The following DNAJC13 variants were observed in gnomAD, a reference collection of about 807,000 sequenced individuals.
DNAJC13 encodes dnaJ homolog subfamily C member 13.
DNAJC13 carries 75 observed loss-of-function variants against 290.5 expected under a neutral mutation model. The ratio of observed to expected loss-of-function variants is 0.26; its 90% CI spans 0.21 to 0.31. The LOEUF is 0.31. Among genes scored for constraint, DNAJC13 ranks in the 10% least tolerant of loss-of-function variants. The probability of loss-of-function intolerance (pLI) is 1.00; values close to 1 mark genes in which losing one functional copy is unlikely to be tolerated. For synonymous variants in DNAJC13, 862 were observed against 892.0 expected (o/e 0.97, Z 0.60); for missense variants, 2,260 against 2,674.5 (o/e 0.85, Z 3.42).
intron 53 of DNAJC13, among the ~76,000 whole-genome samples, chr3:132,527,110 A>G (rs2107749545): frequency 6.6e-6 from 1 of 152,388 alleles, no homozygotes; most frequent in Admixed American, 6.5e-5. Flanking sequence ...CCACAAAAAA[A>G]TAAGTATTTG....
chr3:132,490,672 C>T (rs1227709157), intron 31 of DNAJC13, among the ~76,000 whole-genome samples: 2 of 152,272 alleles, frequency 1.3e-5, no homozygotes, highest in Non-Finnish European at 2.9e-5. Flanking sequence ...GCTGCAGGGC[C>T]AGAGGCTGTT....
chr3:132,481,044 T>C (rs985062274), intron 26 of DNAJC13, among the ~76,000 whole-genome samples: 3 of 152,198 alleles, frequency 2.0e-5, no homozygotes, highest in African/African-American at 7.2e-5. Flanking sequence ...ATACAATACA[T>C]TAACTTTTTG....
At chr3:132,489,064 T>C (rs749781465) in intron 31 of DNAJC13, 43 bp downstream of exon 31, 1 of 1,537,970 alleles carries the variant, frequency 6.5e-7, no homozygotes, top group Non-Finnish European at 9.0e-7. Context: ...CTGGGTAAGC[T>C]GTTTTGGCAC....
At position 132,453,472 on chromosome 3, in the gene DNAJC13, T is replaced by A; in HGVS notation, c.712T>A (p.Phe238Ile). Residue 238 changes from phenylalanine to isoleucine, a missense_variant, in exon 7 of 56, where the codon TTT (phenylalanine) becomes ATT (isoleucine). Coordinates refer to ENST00000260818, the MANE Select transcript of DNAJC13 (RefSeq NM_015268.4). Reference protein sequence around the residue: ...TDESITSLAEFVVQKISPRHS... With the variant: ...TDESITSLAEIVVQKISPRHS... ...TGAATCCATCACATCTTTAGCAGAG[T>A]TTGTAGTCCAAAAAATATCACCTAG... The A allele has an allele frequency of 6.2e-7, 1 of 1,613,870 alleles. No individual in the cohort carries two copies. Among genetic ancestry groups the A allele is most frequent in the Non-Finnish European group, 8.5e-7 (1 of 1,179,886 alleles).
At position 132,513,062 on chromosome 3, in the gene DNAJC13, T is replaced by C; in HGVS notation, c.5348T>C (p.Val1783Ala). 1 of 1,613,410 alleles carries C rather than the reference T, an allele frequency of 6.2e-7. No individual in the cohort carries two copies. The highest frequency in any genetic ancestry group is 8.5e-7 in the Non-Finnish European group (1 of 1,179,472). The change falls in exon 45 of 56, where the codon GTT becomes GCT. Residue 1783 changes from valine to alanine, a missense_variant. This residue lies in a region of DNAJC13 where 1,494 missense variants were observed against 1,693.7 expected (regional missense o/e 0.88). Coordinates refer to ENST00000260818, the MANE Select transcript of DNAJC13 (RefSeq NM_015268.4). ...HFKLIFSLLRVHGAGQVQQLA... is the reference protein window; with the variant it reads ...HFKLIFSLLRAHGAGQVQQLA... ...AAGTTGATATTTTCTCTTCTCCGAG[T>C]TCATGGAGCTGGTCAAGTGCAGCAG...
In DNAJC13 at chr3:132,474,951, AG is replaced by A. The variant is rs768476105; in HGVS notation, c.2313del (p.Arg771SerfsTer14). 1 of 1,607,544 alleles carries A rather than the reference AG, an allele frequency of 6.2e-7. No homozygotes were observed. Among genetic ancestry groups the A allele is most frequent in the Non-Finnish European group, 8.5e-7 (1 of 1,177,182 alleles). On this transcript the variant is annotated frameshift_variant, in exon 22 of 56. Coordinates refer to ENST00000260818, the MANE Select transcript of DNAJC13 (RefSeq NM_015268.4). LOFTEE classifies it high-confidence loss of function. ...FYYRFGQDHARSNLIWNFKTR... is the reference protein window; with the variant it reads ...FYYRFGQDHAXSNLIWNFKTR... ...GTCTAGGTTTGGTCAAGACCATGCC[AG>A]GTCAAACCTTATTTGGAATTTCAAA... is the stretch of plus-strand genomic sequence containing the variant.
chr3:132,480,547 C>A, intron 26 of DNAJC13, 77 bp downstream of exon 26: 1 of 1,099,190 alleles, frequency 9.1e-7, no homozygotes, highest in South Asian at 1.4e-5. Flanking sequence ...TCATAGAAAT[C>A]TGAAAAGATG....
chr3:132,497,553 A>T (rs1002869490), intron 36 of DNAJC13, among the ~76,000 whole-genome samples: 2 of 152,226 alleles, frequency 1.3e-5, no homozygotes, highest in Non-Finnish European at 1.5e-5. Context: ...TAAAGAGAGC[A>T]GTGATTAGTT....
chr3:132,496,801 TAAATAAAGGA>T (rs1218281113), intron 36 of DNAJC13, 138 bp downstream of exon 36: 7 of 863,612 alleles, frequency 8.1e-6, no homozygotes, highest in Non-Finnish European at 1.1e-5. Context: ...AATTATGTTT[TAAATAAAGGA>T]AAATGTAGTT....
chr3:132,528,502 A>C (rs1052263895), intron 54 of DNAJC13, among the ~76,000 whole-genome samples, 170 bp downstream of exon 54: 5 of 152,240 alleles, frequency 3.3e-5, no homozygotes, highest in African/African-American at 4.8e-5. Flanking sequence ...TAACTGATGA[A>C]AAAGCATAAA....
chr3:132,427,133 A>ATATT (rs1310339480), intron 1 of DNAJC13, among the ~76,000 whole-genome samples: 1,396 of 122,154 alleles, frequency 0.011, 38 homozygotes, highest in African/African-American at 0.039. Context: ...ATATATATAT[A>ATATT]TTTTTTTTTT....
intron 55 of DNAJC13, among the ~76,000 whole-genome samples, chr3:132,533,313 T>C (rs920033726): frequency 6.7e-6 from 1 of 148,606 alleles, no homozygotes; most frequent in Non-Finnish European, 1.5e-5. Flanking sequence ...ATTACAGGCG[T>C]GAGCCAGCAT....
intron 41 of DNAJC13, among the ~76,000 whole-genome samples, chr3:132,504,825 G>A (rs1225685535): frequency 6.6e-6 from 1 of 152,106 alleles, no homozygotes; most frequent in Non-Finnish European, 1.5e-5. Context: ...ATATCAGGGT[G>A]TGGTCAGGAA....
chr3:132,435,244 C>T (rs1358644539), intron 2 of DNAJC13, among the ~76,000 whole-genome samples: 1 of 152,102 alleles, frequency 6.6e-6, no homozygotes, highest in Non-Finnish European at 1.5e-5. Context: ...AATTATGCCT[C>T]AAATATATTG....
At chr3:132,531,220 T>G in intron 55 of DNAJC13, 123 bp downstream of exon 55, 1 of 766,372 alleles carries the variant, frequency 1.3e-6, no homozygotes, top group South Asian at 1.7e-5. Flanking sequence ...TGACCTTTCT[T>G]GGAGGTGCTA....
chr3:132,443,788 G>T (rs1168312828), intron 2 of DNAJC13, among the ~76,000 whole-genome samples: 1 of 152,054 alleles, frequency 6.6e-6, no homozygotes, highest in Admixed American at 6.5e-5. Context: ...AGCTTTCTTA[G>T]GATGGCTTAA....
chr3:132,454,368 C>T (rs1933521017), intron 9 of DNAJC13, among the ~76,000 whole-genome samples: 1 of 125,790 alleles, frequency 7.9e-6, no homozygotes. Context: ...GTCACTCAGG[C>T]TGGAGTGCTA....
Position 132,462,494 on chromosome 3 carries a change from G to T in DNAJC13, c.1741G>T (p.Ala581Ser), listed in dbSNP as rs140842283. The T allele has an allele frequency of 4.3e-6, 7 of 1,609,654 alleles. No homozygotes were observed. In the African/African-American group the frequency reaches 8.0e-5, roughly 18 times the overall value. Residue 581 changes from alanine (A) to serine (S), a missense_variant, in exon 16 of 56, where the codon GCT becomes TCT. Ala to Ser is a moderately conservative substitution (Grantham distance 99). Transcript: ENST00000260818. ...TCCTTCCATGGCAATAATAAAAGGA[G>T]CTGGGTTGGTTATGAAGGCAATAAT... ...QHPSMAIIKG[A>S]GLVMKAIIEE...
intron 2 of DNAJC13, among the ~76,000 whole-genome samples, chr3:132,439,528 A>G (rs1932980572): frequency 6.6e-6 from 1 of 150,956 alleles, no homozygotes; most frequent in Non-Finnish European, 1.5e-5. Flanking sequence ...TCTTTGTCTA[A>G]TTTTTTGTGA....
Sources: gnomAD v4.1 joint callset for allele counts (sites outside exome capture counted in the v4.1 genomes callset) on GRCh38, gnomAD v4.1.1 for gene constraint, gnomAD v4.1.1 regional missense constraint, MANE v1.5 for transcripts, NCBI Gene and HGNC (gene_info 2026-07-23, HGNC 2026-07-21) for gene names.